The following TRPC4 variants were observed in gnomAD, a reference collection of about 807,000 sequenced individuals.
The protein encoded by TRPC4 is transient receptor potential cation channel subfamily C member 4, also known as short transient receptor potential channel 4.
Under a neutral mutation model 99.4 loss-of-function variants are expected in TRPC4, and 49 were observed. The observed-to-expected ratio is 0.49, with a 90% CI of 0.39 to 0.63. TRPC4 has a LOEUF of 0.63. Among genes scored for constraint, TRPC4 ranks in the 20% least tolerant of loss-of-function variants. The probability of loss-of-function intolerance (pLI) is 0.00; values close to 1 mark genes in which losing one functional copy is unlikely to be tolerated. For missense variants in TRPC4, 898 were observed against 1,152.9 expected, an observed-to-expected ratio of 0.78 and a Z score of 3.20; for synonymous variants, 454 against 425.9, an observed-to-expected ratio of 1.07 and a Z score of -0.81.
intron 2 of TRPC4, among the ~76,000 whole-genome samples, chr13:37,759,119 A>T (rs12854825): frequency 0.38 from 57,401 of 151,436 alleles, 12,568 homozygotes; most frequent in Non-Finnish European, 0.51. Context: ...TTTGACCAGA[A>T]TTACTTTTGA....
chr13:37,641,498 T>A (rs1032654837), intron 8 of TRPC4, among the ~76,000 whole-genome samples: 2 of 152,326 alleles, frequency 1.3e-5, no homozygotes, highest in African/African-American at 2.4e-5. Flanking sequence ...ATGGATGAGG[T>A]TAACTGTCTT....
intron 1 of TRPC4, among the ~76,000 whole-genome samples, chr13:37,866,379 CTATT>C (rs1436018501): frequency 1.3e-5 from 2 of 151,698 alleles, no homozygotes; most frequent in East Asian, 1.9e-4. Context: ...AGTTCTGAAA[CTATT>C]TCTTTCTTAT....
intron 1 of TRPC4, among the ~76,000 whole-genome samples, chr13:37,809,094 T>C (rs1331675059): frequency 6.6e-6 from 1 of 152,010 alleles, no homozygotes; most frequent in Non-Finnish European, 1.5e-5. Flanking sequence ...TTGGCAAAAG[T>C]TTTAATATTT....
At chr13:37,835,223 G>A (rs998228508) in intron 1 of TRPC4, among the ~76,000 whole-genome samples, 3 of 151,926 alleles carry the variant, frequency 2.0e-5, no homozygotes, top group East Asian at 1.9e-4. Flanking sequence ...CATTCTCTTC[G>A]GTGGCTCTTA....
At chr13:37,667,543 G>T (rs1382411681) in intron 5 of TRPC4, among the ~76,000 whole-genome samples, 2 of 152,134 alleles carry the variant, frequency 1.3e-5, no homozygotes, top group East Asian at 3.9e-4. Context: ...CCTGATCTCA[G>T]GTGGTCTGCC....
At chr13:37,775,531 A>G (rs7139739) in intron 2 of TRPC4, among the ~76,000 whole-genome samples, 67,952 of 150,546 alleles carry the variant, frequency 0.45, 15,667 homozygotes, top group Middle Eastern at 0.5. Context: ...CCCAGCATCC[A>G]TGATGATAAA....
At chr13:37,838,678 C>T (rs1299549314) in intron 1 of TRPC4, among the ~76,000 whole-genome samples, 1 of 151,902 alleles carries the variant, frequency 6.6e-6, no homozygotes, top group East Asian at 1.9e-4. Context: ...TTTTACTTGC[C>T]CTGACTCTAA....
chr13:37,755,378 C>T (rs1224364965), intron 2 of TRPC4, among the ~76,000 whole-genome samples: 5 of 152,006 alleles, frequency 3.3e-5, no homozygotes, highest in South Asian at 2.1e-4. Context: ...CCCTCAGCCT[C>T]CCAAATAATT....
chr13:37,759,281 ATTTAAATG>A (rs1219255722), intron 2 of TRPC4, among the ~76,000 whole-genome samples: 1 of 151,884 alleles, frequency 6.6e-6, no homozygotes, highest in Non-Finnish European at 1.5e-5. Context: ...TGGGGTAAAT[ATTTAAATG>A]TAAAAAACAA....
intron 1 of TRPC4, among the ~76,000 whole-genome samples, chr13:37,835,370 A>T (rs1161535312): frequency 6.6e-6 from 1 of 152,254 alleles, no homozygotes; most frequent in East Asian, 1.9e-4. Context: ...TTAATGGTTC[A>T]TGTATGCTTG....
intron 3 of TRPC4, among the ~76,000 whole-genome samples, chr13:37,727,299 T>G (rs930483925): frequency 1.4e-4 from 21 of 151,652 alleles, no homozygotes. Flanking sequence ...AATCACAAAT[T>G]TGTGAAAATT....
At chr13:37,813,740 A>C (rs1957765962) in intron 1 of TRPC4, among the ~76,000 whole-genome samples, 1 of 151,926 alleles carries the variant, frequency 6.6e-6, no homozygotes, top group Admixed American at 6.6e-5. Context: ...TTTTTAAAAT[A>C]ACTTCACCAA....
chr13:37,865,905 A>G (rs932320462), intron 1 of TRPC4, among the ~76,000 whole-genome samples: 1 of 151,824 alleles, frequency 6.6e-6, no homozygotes, highest in Admixed American at 6.6e-5. Context: ...TAAGATAACA[A>G]TGAAAAATAG....
Position 37,846,254 on chromosome 13 carries a change from A to G in TRPC4, c.-28+23341T>C, listed in dbSNP as rs141049701. On this transcript the variant is annotated intron_variant, in intron 1 of 10. Coordinates refer to ENST00000379705, the MANE Select transcript of TRPC4 (RefSeq NM_016179.4). ...ATTTTAAAATTAAAAATAAATCCCA[A>G]TGGTAGAAGTAATATGTGGTCATAC... Among the ~76,000 whole-genome samples the G allele has an allele frequency of 2.5e-3, 385 of 152,268 alleles. 1 individual carries two copies. The highest frequency in any genetic ancestry group is 9.0e-3 in the African/African-American group (376 of 41,576).
intron 4 of TRPC4, among the ~76,000 whole-genome samples, chr13:37,689,727 G>A (rs893599180): frequency 6.6e-6 from 1 of 152,210 alleles, no homozygotes; most frequent in African/African-American, 2.4e-5. Flanking sequence ...GAAGCTTGGT[G>A]TGTAGCAGGC....
intron 6 of TRPC4, among the ~76,000 whole-genome samples, chr13:37,656,593 G>C (rs113494255): frequency 1.5e-4 from 23 of 152,228 alleles, no homozygotes; most frequent in African/African-American, 5.5e-4. Flanking sequence ...AGTGGCCTGT[G>C]GCATGCATTA....
intron 1 of TRPC4, among the ~76,000 whole-genome samples, chr13:37,841,651 A>G (rs1259730490): frequency 6.6e-6 from 1 of 152,130 alleles, no homozygotes; most frequent in African/African-American, 2.4e-5. Context: ...GATGTTTAAC[A>G]TCATTAGCCA....
intron 1 of TRPC4, among the ~76,000 whole-genome samples, chr13:37,785,891 T>C (rs908067619): frequency 6.6e-6 from 1 of 152,062 alleles, no homozygotes; most frequent in Non-Finnish European, 1.5e-5. Flanking sequence ...ATCTATTTCA[T>C]TTAATCCAGA....
chr13:37,856,784 A>T (rs1300996415), intron 1 of TRPC4, among the ~76,000 whole-genome samples: 1 of 151,702 alleles, frequency 6.6e-6, no homozygotes, highest in Non-Finnish European at 1.5e-5. Flanking sequence ...ACCATGCTAA[A>T]GGGTAAAAAC....
Sources: allele counts gnomAD v4.1 joint callset (sites outside exome capture counted in the v4.1 genomes callset), GRCh38; gene constraint gnomAD v4.1.1; transcripts MANE v1.5; gene names NCBI Gene and HGNC (gene_info 2026-07-23, HGNC 2026-07-21).